DPYSL3: variants seen among roughly 807,000 people sequenced by gnomAD.
DPYSL3 encodes the protein dihydropyrimidinase-related protein 3.
A neutral mutation model predicts 66.1 loss-of-function variants in DPYSL3; 16 were observed. That is an observed-to-expected ratio of 0.24 (90% CI 0.16 to 0.37). The LOEUF (loss-of-function observed/expected upper bound fraction) is 0.37. Among genes scored for constraint, DPYSL3 ranks in the 10% least tolerant of loss-of-function variants. The probability of loss-of-function intolerance (pLI) is 1.00; values close to 1 mark genes in which losing one functional copy is unlikely to be tolerated. For missense variants in DPYSL3, 738 were observed against 916.2 expected (o/e 0.81, Z 2.51); for synonymous variants, 338 against 345.1 (o/e 0.98, Z 0.23).
chr5:147,509,357 C>A lies in DPYSL3; in HGVS notation c.381+121G>T. The A allele has an allele frequency of 1.5e-6, 2 of 1,317,042 alleles. No homozygotes were observed. The highest frequency in any genetic ancestry group is 2.0e-6 in the Non-Finnish European group (2 of 994,522). 81.6% of individuals were successfully genotyped at this position (1,317,042 alleles called of 1,614,324 possible). On this transcript the variant is annotated intron_variant, in intron 1 of 13. Coordinates refer to ENST00000343218, the MANE Select transcript of DPYSL3 (RefSeq NM_001197294.2). The surrounding 1 kb of genome is among the most constrained non-coding windows in gnomAD (Gnocchi z 5.3). ...TACGCTCAGTGGAGGATGACCCTTT[C>A]CTCCTCCTTGTCCCCCAGCCCCGTG...
intron 1 of DPYSL3, among the ~76,000 whole-genome samples, chr5:147,467,260 A>G (rs1242932342): frequency 6.6e-6 from 1 of 152,250 alleles, no homozygotes; most frequent in African/African-American, 2.4e-5. Flanking sequence ...CACCTGTTAA[A>G]GTAGCTGGTA....
chr5:147,394,170 C>A (rs779961117), intron 13 of DPYSL3, 47 bp from the exon 14 acceptor site: 2 of 1,590,808 alleles, frequency 1.3e-6, no homozygotes, highest in African/African-American at 1.3e-5. Context: ...AACAGAGTGG[C>A]GGGTAGGGGG....
At position 147,400,896 on chromosome 5, in the gene DPYSL3, G is replaced by C. The variant is rs114150549; in HGVS notation, c.1311-63C>G. The stretch of plus-strand genomic sequence containing the variant: ...TGGCTGGAGGCACACTGGGAGCTTA[G>C]AGTCTTGTGTTTACTGTGAGGGTTT... On this transcript the variant is annotated intron_variant, in intron 9 of 13. Transcript: ENST00000343218. 4.0e-3 allele frequency: 6,245 copies of C among 1,578,124 alleles called. 203 individuals are homozygous for C. The African/African-American group carries it at 0.072, about 18-fold the overall frequency.
intron 6 of DPYSL3, among the ~76,000 whole-genome samples, chr5:147,412,193 A>G (rs11167990): frequency 0.7 from 106,844 of 152,148 alleles, 39,641 homozygotes; most frequent in East Asian, 1. Flanking sequence ...ATCTAAGGCT[A>G]TGAGTTCCAC....
intron 1 of DPYSL3, 34 bp from the exon 2 acceptor site, chr5:147,424,997 A>G: frequency 6.5e-7 from 1 of 1,545,054 alleles, no homozygotes; most frequent in Non-Finnish European, 8.9e-7. Context: ...TTGTTATCAC[A>G]GGTATGATTT....
At chr5:147,488,526 G>A (rs1407101096) in intron 1 of DPYSL3, among the ~76,000 whole-genome samples, 1 of 152,068 alleles carries the variant, frequency 6.6e-6, no homozygotes, top group Non-Finnish European at 1.5e-5. Context: ...TTACCAGCCT[G>A]GGCAACATAG....
At chr5:147,459,824 C>A (rs530448338) in intron 1 of DPYSL3, among the ~76,000 whole-genome samples, 1 of 152,222 alleles carries the variant, frequency 6.6e-6, no homozygotes, top group Non-Finnish European at 1.5e-5. Context: ...GATCAGGTTG[C>A]GAGAGGCCGG....
At chr5:147,507,133 T>G (rs1468902452) in intron 1 of DPYSL3, among the ~76,000 whole-genome samples, 3 of 152,100 alleles carry the variant, frequency 2.0e-5, no homozygotes, top group Admixed American at 2.0e-4. Flanking sequence ...GAGCAAGAAA[T>G]ATGTTGTTAT....
chr5:147,465,514 G>A (rs1327014649), intron 1 of DPYSL3, among the ~76,000 whole-genome samples: 1 of 152,066 alleles, frequency 6.6e-6, no homozygotes, highest in Non-Finnish European at 1.5e-5. Context: ...TGGCCAGGGT[G>A]GTCTCAAGCC....
At chr5:147,447,930 T>C (rs998406632) in intron 1 of DPYSL3, among the ~76,000 whole-genome samples, 2 of 152,218 alleles carry the variant, frequency 1.3e-5, no homozygotes, top group Non-Finnish European at 2.9e-5. Flanking sequence ...TTAGATGCAC[T>C]GATTTCATCA....
At chr5:147,494,108 G>T (rs1337673400) in intron 1 of DPYSL3, among the ~76,000 whole-genome samples, 1 of 152,046 alleles carries the variant, frequency 6.6e-6, no homozygotes, top group Non-Finnish European at 1.5e-5. Context: ...CAGAAGAATT[G>T]CTTGAACCCA....
intron 1 of DPYSL3, among the ~76,000 whole-genome samples, chr5:147,477,480 T>C (rs1753170612): frequency 6.6e-6 from 1 of 151,700 alleles, no homozygotes; most frequent in Non-Finnish European, 1.5e-5. Flanking sequence ...CTGTGATATT[T>C]CCAGAATTGT....
intron 1 of DPYSL3, among the ~76,000 whole-genome samples, chr5:147,463,440 G>A (rs1752964346): frequency 6.6e-6 from 1 of 152,112 alleles, no homozygotes; most frequent in African/African-American, 2.4e-5. Context: ...ACCCGGAAGG[G>A]GAAAGATTAA....
intron 1 of DPYSL3, among the ~76,000 whole-genome samples, chr5:147,468,629 TG>T (rs1399642508): frequency 6.6e-6 from 1 of 152,158 alleles, no homozygotes; most frequent in African/African-American, 2.4e-5. Flanking sequence ...TCAGAAAGTT[TG>T]TTGTAAAGAA....
At chr5:147,475,229 A>G (rs534589721) in intron 1 of DPYSL3, among the ~76,000 whole-genome samples, 7 of 152,230 alleles carry the variant, frequency 4.6e-5, no homozygotes, top group Admixed American at 3.3e-4. Flanking sequence ...TGATATCTGA[A>G]TAAGGCCCTG....
At chr5:147,479,586 C>A (rs913167073) in intron 1 of DPYSL3, among the ~76,000 whole-genome samples, 2 of 152,294 alleles carry the variant, frequency 1.3e-5, no homozygotes, top group South Asian at 2.1e-4. Context: ...AACCACAGAG[C>A]CAATCTAAGA....
chr5:147,453,445 G>A (rs1025205016), intron 1 of DPYSL3: 1 of 1,399,402 alleles, frequency 7.1e-7, no homozygotes, highest in East Asian at 3.0e-5. Context: ...GTCCCTCCCC[G>A]GGGACCAGGC....
At chr5:147,421,645 C>G (rs1198196446) in intron 2 of DPYSL3, among the ~76,000 whole-genome samples, 2 of 152,176 alleles carry the variant, frequency 1.3e-5, no homozygotes, top group Admixed American at 6.5e-5. Flanking sequence ...CAGCATGGTA[C>G]TGGTAGCAAA....
intron 1 of DPYSL3, among the ~76,000 whole-genome samples, chr5:147,462,820 G>C (rs573218973): frequency 6.6e-6 from 1 of 152,200 alleles, no homozygotes; most frequent in South Asian, 2.1e-4. Context: ...AAAGCCACGT[G>C]GAGGTCACAC....
Sources: gnomAD v4.1 joint callset for allele counts (sites outside exome capture counted in the v4.1 genomes callset) on GRCh38, gnomAD v4.1.1 for gene constraint, Gnocchi (gnomAD v3.1) non-coding constraint, MANE v1.5 for transcripts, NCBI Gene and HGNC (gene_info 2026-07-23, HGNC 2026-07-21) for gene names.